The following GRIK4 variants were observed in gnomAD, a reference collection of about 807,000 sequenced individuals.
GRIK4 encodes the protein glutamate receptor ionotropic, kainate 4.
A neutral mutation model predicts 104.9 loss-of-function variants in GRIK4; 40 were observed. That is an observed-to-expected ratio of 0.38 (90% CI 0.30 to 0.50). The LOEUF (loss-of-function observed/expected upper bound fraction) is 0.50. GRIK4 is among the 20% of genes least tolerant of loss of function. GRIK4 has a pLI of 0.93. For synonymous variants in GRIK4, 485 were observed against 524.9 expected (o/e 0.92, Z 1.04); for missense variants, 1,047 against 1,308.1 (o/e 0.80, Z 3.08).
chr11:120,964,782 G>C (rs577388627), intron 18 of GRIK4, among the ~76,000 whole-genome samples: 57 of 152,302 alleles, frequency 3.7e-4, no homozygotes, highest in African/African-American at 1.4e-3. Context: ...CTGCAAGATA[G>C]ATGTGGTTAT....
intron 3 of GRIK4, among the ~76,000 whole-genome samples, chr11:120,755,092 G>C (rs1951629913): frequency 6.6e-6 from 1 of 152,174 alleles, no homozygotes; most frequent in African/African-American, 2.4e-5. Flanking sequence ...TTTGGAATGG[G>C]TCAGGGCAGA....
intron 3 of GRIK4, among the ~76,000 whole-genome samples, chr11:120,729,371 C>T (rs576559424): frequency 6.6e-6 from 1 of 152,268 alleles, no homozygotes; most frequent in South Asian, 2.1e-4. Context: ...ATCTACATTC[C>T]CACCAGCAGT....
intron 20 of GRIK4, among the ~76,000 whole-genome samples, chr11:120,985,151 A>G (rs1266925380): frequency 6.6e-6 from 1 of 152,080 alleles, no homozygotes; most frequent in Non-Finnish European, 1.5e-5. Flanking sequence ...CTTCATCCAC[A>G]GTTCTGACAC....
intron 3 of GRIK4, among the ~76,000 whole-genome samples, chr11:120,713,960 C>A (rs139157253): frequency 6.6e-6 from 1 of 152,294 alleles, no homozygotes; most frequent in East Asian, 1.9e-4. Context: ...GTCTTGTGCT[C>A]TGCTCTTCCT....
chr11:120,752,279 A>G (rs538369487), intron 3 of GRIK4, among the ~76,000 whole-genome samples: 1 of 152,332 alleles, frequency 6.6e-6, no homozygotes, highest in African/African-American at 2.4e-5. Flanking sequence ...GATCCCTGCA[A>G]ATGAAGCCAC....
At chr11:120,739,424 C>T (rs1298280694) in intron 3 of GRIK4, among the ~76,000 whole-genome samples, 1 of 152,162 alleles carries the variant, frequency 6.6e-6, no homozygotes, top group African/African-American at 2.4e-5. Context: ...AGGTCTGAGC[C>T]TGGGCCTCTT....
intron 4 of GRIK4, among the ~76,000 whole-genome samples, chr11:120,807,202 G>A (rs1032725377): frequency 1.9e-4 from 29 of 152,108 alleles, no homozygotes; most frequent in African/African-American, 6.8e-4. Context: ...CCTTTCTTCT[G>A]CAGGGAGCTA....
intron 1 of GRIK4, among the ~76,000 whole-genome samples, chr11:120,580,722 C>G (rs1948570884): frequency 6.6e-6 from 1 of 152,164 alleles, no homozygotes; most frequent in South Asian, 2.1e-4. Context: ...GCATGAGCAA[C>G]TGCACCCGGT....
intron 13 of GRIK4, among the ~76,000 whole-genome samples, chr11:120,925,682 A>G (rs769517516): frequency 2.0e-5 from 3 of 152,130 alleles, no homozygotes; most frequent in African/African-American, 4.8e-5. Context: ...GTTAGAAATG[A>G]GCATATCGGC....
At chr11:120,601,487 A>T (rs555647980) in intron 1 of GRIK4, among the ~76,000 whole-genome samples, 35 of 152,224 alleles carry the variant, frequency 2.3e-4, no homozygotes, top group Admixed American at 5.2e-4. Flanking sequence ...TTCAATTCAC[A>T]TAGCACATTA....
intron 3 of GRIK4, among the ~76,000 whole-genome samples, chr11:120,673,759 A>C (rs1230589370): frequency 6.6e-6 from 1 of 152,158 alleles, no homozygotes; most frequent in African/African-American, 2.4e-5. Flanking sequence ...TGGACCTAGC[A>C]TCTCAGCTGG....
At chr11:120,943,250 G>A (rs3781816) in intron 14 of GRIK4, among the ~76,000 whole-genome samples, 34,548 of 151,852 alleles carry the variant, frequency 0.23, 4,252 homozygotes, top group East Asian at 0.36. Flanking sequence ...ATAACAGGGG[G>A]CCAAGCAAGA....
intron 9 of GRIK4, among the ~76,000 whole-genome samples, chr11:120,867,019 ATGGCACATCAAGGGTCCTC>A (rs1218311038): frequency 6.6e-6 from 1 of 152,046 alleles, no homozygotes; most frequent in East Asian, 1.9e-4. Context: ...GACGTGCTGG[ATGGCACATCAAGGGTCCTC>A]TGAGGTCAGC....
At chr11:120,826,919 A>G (rs1020650713) in intron 6 of GRIK4, among the ~76,000 whole-genome samples, 5 of 152,208 alleles carry the variant, frequency 3.3e-5, no homozygotes, top group Admixed American at 2.0e-4. Context: ...TCCATGGAAC[A>G]GGTCCGACAA....
At chr11:120,776,872 C>T (rs1195277128) in intron 3 of GRIK4, among the ~76,000 whole-genome samples, 1 of 152,212 alleles carries the variant, frequency 6.6e-6, no homozygotes, top group Admixed American at 6.5e-5. Flanking sequence ...GAGCAAGAGA[C>T]AAGAGAGAGA....
chr11:120,568,569 G>A (rs1355915627), intron 1 of GRIK4, among the ~76,000 whole-genome samples: 1 of 152,036 alleles, frequency 6.6e-6, no homozygotes, highest in Non-Finnish European at 1.5e-5. Context: ...TGTATTTTTA[G>A]TAGAGACAGG....
At position 120,967,200 on chromosome 11, in the gene GRIK4, G is replaced by T. The variant is rs1362970995; in HGVS notation, c.2272G>T (p.Val758Phe). 6.2e-7 allele frequency: 1 copy of T among 1,613,160 alleles called. No individual in the cohort carries two copies. Among genetic ancestry groups the T allele is most frequent in the Non-Finnish European group, 8.5e-7 (1 of 1,179,494 alleles). Reference protein sequence around the residue: ...GYGIGMPVGSVFRDEFDLAIL... With the variant: ...GYGIGMPVGSFFRDEFDLAIL... ...CTCTCCCGTAACCCCCGCAGGCTCG[G>T]TTTTCCGGGACGAGTTTGATCTGGC... Residue 758 changes from valine (V) to phenylalanine (F), a missense_variant, in exon 19 of 21, where the codon GTT becomes TTT. Transcript: ENST00000527524. The surrounding 1 kb of genome is among the most constrained non-coding windows in gnomAD (Gnocchi z 4.2).
rs1947704064 is a variant in GRIK4 at position 120,514,729 on chromosome 11, A to G, written c.-159+2842A>G. 2.0e-5 allele frequency among the ~76,000 whole-genome samples: 3 copies of G among 152,138 alleles called. No individual in the cohort carries two copies. The South Asian group carries it at 6.2e-4, about 31-fold the overall frequency. On this transcript the variant is annotated intron_variant, in intron 1 of 20. Coordinates refer to ENST00000527524, the MANE Select transcript of GRIK4 (RefSeq NM_014619.5). ...TGCCTCTTGCCTCCTCCTTGTGGAA[A>G]GAACGGCTGGGTTCCCCCAGGCATG...
intron 19 of GRIK4, among the ~76,000 whole-genome samples, chr11:120,980,705 CA>C (rs1944637088): frequency 6.6e-6 from 1 of 152,168 alleles, no homozygotes; most frequent in Admixed American, 6.5e-5. Context: ...AGGATTCCCA[CA>C]TTCACACAGG....
Sources: gnomAD v4.1 joint callset for allele counts (sites outside exome capture counted in the v4.1 genomes callset) on GRCh38, gnomAD v4.1.1 for gene constraint, Gnocchi (gnomAD v3.1) non-coding constraint, MANE v1.5 for transcripts, NCBI Gene and HGNC (gene_info 2026-07-23, HGNC 2026-07-21) for gene names.